The following CNTN4 variants were observed in gnomAD, a reference collection of about 807,000 sequenced individuals.
The protein encoded by CNTN4 is contactin 4, also known as contactin-4.
Under a neutral mutation model 122.5 loss-of-function variants are expected in CNTN4, and 77 were observed. The observed-to-expected ratio is 0.63, with a 90% CI of 0.52 to 0.76. CNTN4 has a LOEUF of 0.76. Ranked by LOEUF, CNTN4 falls within the 30% of genes least tolerant of loss-of-function variation. The pLI is 0.00. For missense variants in CNTN4, 1,256 were observed against 1,259.1 expected, an observed-to-expected ratio of 1.00 and a Z score of 0.04; for synonymous variants, 512 against 447.0, an observed-to-expected ratio of 1.15 and a Z score of -1.83.
chr3:2,328,820 T>C (rs2043586625), intron 2 of CNTN4, among the ~76,000 whole-genome samples: 1 of 152,110 alleles, frequency 6.6e-6, no homozygotes, highest in South Asian at 2.1e-4. Context: ...CGACATCACT[T>C]TATATAAGGG....
intron 2 of CNTN4, among the ~76,000 whole-genome samples, chr3:2,226,710 C>G (rs971101771): frequency 6.6e-6 from 1 of 152,034 alleles, no homozygotes; most frequent in African/African-American, 2.4e-5. Flanking sequence ...TTAAAACTTT[C>G]TTTCTCACTG....
intron 2 of CNTN4, among the ~76,000 whole-genome samples, chr3:2,299,218 G>A (rs1010670769): frequency 7.2e-5 from 11 of 152,166 alleles, no homozygotes; most frequent in South Asian, 2.1e-4. Context: ...CACTTGAGCA[G>A]ATTAACAAAA....
chr3:2,892,804 T>C (rs2094058808), intron 10 of CNTN4, among the ~76,000 whole-genome samples: 1 of 152,206 alleles, frequency 6.6e-6, no homozygotes, highest in South Asian at 2.1e-4. Flanking sequence ...CAGAATCCAG[T>C]AATACTTAAG....
At chr3:2,550,158 G>A (rs1252173442) in intron 3 of CNTN4, among the ~76,000 whole-genome samples, 1 of 152,028 alleles carries the variant, frequency 6.6e-6, no homozygotes, top group African/African-American at 2.4e-5. Flanking sequence ...AGTTCCTGGA[G>A]TCATTGATTT....
chr3:2,803,590 C>T (rs62234189), intron 6 of CNTN4, among the ~76,000 whole-genome samples: 7,863 of 149,124 alleles, frequency 0.053, 277 homozygotes, highest in Non-Finnish European at 0.077. Flanking sequence ...GACAGAGCCT[C>T]GCTCTGTCGC....
At chr3:2,457,396 C>A (rs1370804864) in intron 3 of CNTN4, among the ~76,000 whole-genome samples, 2 of 152,014 alleles carry the variant, frequency 1.3e-5, no homozygotes, top group Admixed American at 6.6e-5. Flanking sequence ...AAAAAACAAG[C>A]CCCAAGCTTC....
intron 2 of CNTN4, among the ~76,000 whole-genome samples, chr3:2,214,416 T>A (rs1168592471): frequency 6.6e-6 from 1 of 152,200 alleles, no homozygotes; most frequent in Non-Finnish European, 1.5e-5. Context: ...CAGATTTCCG[T>A]GTATTTAATA....
At chr3:2,860,000 A>G (rs1016751736) in intron 7 of CNTN4, among the ~76,000 whole-genome samples, 1 of 152,214 alleles carries the variant, frequency 6.6e-6, no homozygotes, top group African/African-American at 2.4e-5. Flanking sequence ...ACCTTTTGCC[A>G]TCTTGCTTTT....
At chr3:2,578,946 T>G (rs1336228316) in intron 4 of CNTN4, among the ~76,000 whole-genome samples, 1 of 152,220 alleles carries the variant, frequency 6.6e-6, no homozygotes, top group Non-Finnish European at 1.5e-5. Context: ...CTTTTCAACA[T>G]AAATTTAAGT....
At chr3:2,541,283 T>C (rs1247297627) in intron 3 of CNTN4, among the ~76,000 whole-genome samples, 1 of 152,162 alleles carries the variant, frequency 6.6e-6, no homozygotes, top group Non-Finnish European at 1.5e-5. Context: ...CCTTAGTTTT[T>C]TTCTTTTTCT....
At chr3:2,742,350 A>G (rs1559453832) in intron 5 of CNTN4, among the ~76,000 whole-genome samples, 1 of 152,214 alleles carries the variant, frequency 6.6e-6, no homozygotes, top group Non-Finnish European at 1.5e-5. Flanking sequence ...CTTCCCTTAT[A>G]TTAAACTTCC....
intron 4 of CNTN4, among the ~76,000 whole-genome samples, chr3:2,705,814 A>T (rs1474952345): frequency 9.3e-6 from 1 of 107,718 alleles, no homozygotes; most frequent in Non-Finnish European, 1.7e-5. Flanking sequence ...TATAATATAT[A>T]TAATATATAA....
chr3:2,345,136 C>G lies in CNTN4; in HGVS notation c.-89+5903C>G, dbSNP rs866393597. On this transcript the variant is annotated intron_variant, in intron 3 of 24. Transcript: ENST00000418658. ...GATGTTAGAACTAAGAGAACACATC[C>G]CTGTGGCCTTACATTAAAATGTTCC... Among the ~76,000 whole-genome samples, 16 of 152,230 alleles carry G rather than the reference C, an allele frequency of 1.1e-4. No homozygotes were observed. In the Middle Eastern group the frequency reaches 0.01, roughly 97 times the overall value.
At chr3:2,504,569 C>T (rs978137842) in intron 3 of CNTN4, among the ~76,000 whole-genome samples, 10 of 152,046 alleles carry the variant, frequency 6.6e-5, no homozygotes, top group Non-Finnish European at 8.8e-5. Flanking sequence ...TGACTCAATC[C>T]GCATTCCTCA....
chr3:2,241,954 T>C (rs2039958751), intron 2 of CNTN4, among the ~76,000 whole-genome samples: 1 of 152,140 alleles, frequency 6.6e-6, no homozygotes, highest in Admixed American at 6.6e-5. Flanking sequence ...TCATCTCATG[T>C]CATCATTTAT....
chr3:2,568,642 CGTGAGATTCAT>C (rs2079288188), intron 3 of CNTN4, among the ~76,000 whole-genome samples: 1 of 152,144 alleles, frequency 6.6e-6, no homozygotes. Flanking sequence ...CAGAGTCCCA[CGTGAGATTCAT>C]GAATCTTCAG....
intron 6 of CNTN4, among the ~76,000 whole-genome samples, chr3:2,774,857 C>G (rs2091253298): frequency 6.6e-6 from 1 of 152,210 alleles, no homozygotes; most frequent in Non-Finnish European, 1.5e-5. Context: ...AAAGCAGATG[C>G]ACATTGAGGC....
At chr3:2,525,454 T>C (rs1374986353) in intron 3 of CNTN4, among the ~76,000 whole-genome samples, 1 of 152,158 alleles carries the variant, frequency 6.6e-6, no homozygotes, top group African/African-American at 2.4e-5. Flanking sequence ...TTAAAGTCCA[T>C]ATATATCTGT....
At chr3:2,874,923 C>T (rs1022566956) in intron 8 of CNTN4, among the ~76,000 whole-genome samples, 3 of 152,118 alleles carry the variant, frequency 2.0e-5, no homozygotes, top group Non-Finnish European at 2.9e-5. Context: ...GTATTCTTGG[C>T]TAATTCCTAG....
Sources: gnomAD v4.1 joint callset for allele counts (sites outside exome capture counted in the v4.1 genomes callset) on GRCh38, gnomAD v4.1.1 for gene constraint, MANE v1.5 for transcripts, NCBI Gene and HGNC (gene_info 2026-07-23, HGNC 2026-07-21) for gene names.